The following FBXL17 variants were observed in gnomAD, a reference collection of about 807,000 sequenced individuals.
FBXL17 encodes the protein F-box and leucine rich repeat protein 17, also known as F-box/LRR-repeat protein 17.
In FBXL17, 22 loss-of-function variants were observed where a neutral mutation model predicts 66.2. That is an observed-to-expected ratio of 0.33 (90% CI 0.24 to 0.47). The LOEUF is 0.47. Among genes scored for constraint, FBXL17 ranks in the 20% least tolerant of loss-of-function variants. The pLI is 1.00. For synonymous variants in FBXL17, 474 were observed against 400.5 expected (o/e 1.18, Z -2.19); for missense variants, 878 against 948.2 (o/e 0.93, Z 0.97).
At chr5:107,985,152 C>G (rs1252032205) in intron 7 of FBXL17, among the ~76,000 whole-genome samples, 3 of 152,162 alleles carry the variant, frequency 2.0e-5, no homozygotes, top group African/African-American at 7.2e-5. Flanking sequence ...ATCCACTGTT[C>G]TTAACATTTG....
intron 6 of FBXL17, among the ~76,000 whole-genome samples, chr5:108,047,603 C>G (rs975362446): frequency 6.6e-6 from 1 of 152,178 alleles, no homozygotes; most frequent in African/African-American, 2.4e-5. Context: ...TTTTCCCTTG[C>G]TGGAGCCAGG....
At chr5:108,203,233 C>G (rs1327108149) in intron 5 of FBXL17, among the ~76,000 whole-genome samples, 1 of 151,638 alleles carries the variant, frequency 6.6e-6, no homozygotes, top group Non-Finnish European at 1.5e-5. Flanking sequence ...GCCAAGAACT[C>G]TTCCTCATGC....
At chr5:108,106,354 G>T (rs1415365156) in intron 6 of FBXL17, among the ~76,000 whole-genome samples, 1 of 152,204 alleles carries the variant, frequency 6.6e-6, no homozygotes, top group African/African-American at 2.4e-5. Context: ...GGAAGTCTGG[G>T]AGTTCCTCAG....
chr5:108,008,633 T>G (rs527676210), intron 7 of FBXL17, among the ~76,000 whole-genome samples: 1 of 152,320 alleles, frequency 6.6e-6, no homozygotes, highest in Non-Finnish European at 1.5e-5. Context: ...TTGGTTACTA[T>G]AAGATAGAAA....
In FBXL17 at chr5:108,310,461, G is replaced by A. The variant is rs78040560; in HGVS notation, c.1506+37938C>T. Among the ~76,000 whole-genome samples the A allele has an allele frequency of 2.4e-4, 36 of 152,090 alleles. No homozygotes were observed. The East Asian group carries it at 6.0e-3, about 25-fold the overall frequency. On this transcript the variant is annotated intron_variant, in intron 4 of 8. Coordinates refer to ENST00000542267, the MANE Select transcript of FBXL17 (RefSeq NM_001163315.3). ...CACACTATTTCTACTTAATGATCCC[G>A]TCAAGTTATCTGTATCTCAAAAAGT...
intron 7 of FBXL17, among the ~76,000 whole-genome samples, chr5:107,959,938 G>T (rs1751826400): frequency 6.6e-6 from 1 of 152,152 alleles, no homozygotes; most frequent in South Asian, 2.1e-4. Context: ...TGTTTCAGTA[G>T]ATCTGTTCTC....
chr5:107,973,808 C>T (rs1181701172), intron 7 of FBXL17, among the ~76,000 whole-genome samples: 1 of 151,136 alleles, frequency 6.6e-6, no homozygotes, highest in Non-Finnish European at 1.5e-5. Flanking sequence ...TCAACAGGCC[C>T]CTATTGGCTT....
intron 7 of FBXL17, among the ~76,000 whole-genome samples, chr5:107,999,452 A>AAC (rs55900474): frequency 0.31 from 44,866 of 144,222 alleles, 6,941 homozygotes; most frequent in Middle Eastern, 0.39. Context: ...TTTTGTCAGA[A>AAC]ACACACACAC....
Position 108,273,197 on chromosome 5 carries a change from T to C in FBXL17, c.1507-48969A>G, listed in dbSNP as rs1432883520. ...GAGGCAGGGCGAGATCACAGGACCA[T>C]AGGACCGAGGCGGGATAGCATTAGG... On this transcript the variant is annotated intron_variant, in intron 4 of 8. Coordinates refer to ENST00000542267, the MANE Select transcript of FBXL17 (RefSeq NM_001163315.3). Among the ~76,000 whole-genome samples the C allele has an allele frequency of 2.6e-5, 4 of 151,994 alleles. 1 individual carries two copies. In the East Asian group the frequency reaches 7.7e-4, roughly 29 times the overall value.
intron 4 of FBXL17, among the ~76,000 whole-genome samples, chr5:108,289,853 A>G (rs1758042273): frequency 6.6e-6 from 1 of 152,164 alleles, no homozygotes; most frequent in Admixed American, 6.6e-5. Flanking sequence ...TGTGCTCAAT[A>G]TTTGGTAACT....
At chr5:108,300,432 C>A (rs1758535941) in intron 4 of FBXL17, among the ~76,000 whole-genome samples, 2 of 151,744 alleles carry the variant, frequency 1.3e-5, no homozygotes, top group Admixed American at 1.3e-4. Flanking sequence ...TGAACAAATG[C>A]TTCCAGAAAT....
chr5:108,290,482 T>G (rs1758066944), intron 4 of FBXL17, among the ~76,000 whole-genome samples: 1 of 152,194 alleles, frequency 6.6e-6, no homozygotes, highest in Non-Finnish European at 1.5e-5. Context: ...TCAAAATTAT[T>G]TGGCTCTTCT....
rs950157632 is a variant in FBXL17, at chr5:108,381,123, G to A, written c.569C>T (p.Pro190Leu). The change falls in exon 1 of 9, where the codon CCT (proline) becomes CTT (leucine). Residue 190 changes from proline (P) to leucine (L), a missense_variant. Physicochemically the swap from Pro to Leu is moderately conservative, Grantham distance 98 (BLOSUM62 -3). Coordinates refer to ENST00000542267, the MANE Select transcript of FBXL17 (RefSeq NM_001163315.3). ...CTTGCACACCATTTCGGGGGGCGTA[G>A]GGAGCTCGGCCGGTGACGGTGTCGG... ...RGPTPSPAEL[P>L]TPPEMVCKRK... 27 of 1,358,926 alleles carry A rather than the reference G, an allele frequency of 2.0e-5. No homozygotes were observed. In the African/African-American group the frequency reaches 3.6e-4, roughly 18 times the overall value. The allele number at this position is 1,358,926 out of a possible 1,614,324, so 84.2% of individuals were successfully genotyped here. A position where few individuals can be genotyped will look rare whatever the true frequency, so the allele number is the denominator to read the frequency against.
Position 107,881,095 on chromosome 5 carries a change from GT to G in FBXL17, c.1906del (p.Thr636ProfsTer2). The part of the protein sequence containing the change: ...WCKEITDQGA[T>X]LIAQSSKSLR... ...AGACTTGCTGCTCTGTGCAATCAGG[GT>G]GGCTCCTTGGTCTGTGATTTCTTTA... On this transcript the variant is annotated frameshift_variant, in exon 8 of 9. Coordinates refer to ENST00000542267, the MANE Select transcript of FBXL17 (RefSeq NM_001163315.3). LOFTEE classifies it high-confidence loss of function. 6.2e-7 allele frequency: 1 copy of G among 1,614,016 alleles called. No homozygotes were observed. Among genetic ancestry groups the G allele is most frequent in the Non-Finnish European group, 8.5e-7 (1 of 1,179,948 alleles).
intron 8 of FBXL17, among the ~76,000 whole-genome samples, chr5:107,867,696 G>A (rs1291651836): frequency 6.6e-6 from 1 of 152,214 alleles, no homozygotes; most frequent in Non-Finnish European, 1.5e-5. Flanking sequence ...GATTTCTTGG[G>A]CTTTGGGAGT....
intron 4 of FBXL17, among the ~76,000 whole-genome samples, chr5:108,236,512 A>G (rs1009592458): frequency 3.5e-5 from 5 of 144,508 alleles, no homozygotes; most frequent in African/African-American, 1.3e-4. Flanking sequence ...GACTCTGTCT[A>G]AAAAAAAAAA....
chr5:108,059,527 C>G (rs1160027503), intron 6 of FBXL17, among the ~76,000 whole-genome samples: 2 of 152,312 alleles, frequency 1.3e-5, no homozygotes, highest in East Asian at 3.9e-4. Context: ...CTGGAATTCT[C>G]TGGAGGTCTA....
chr5:107,924,550 A>G (rs1387594762), intron 7 of FBXL17, among the ~76,000 whole-genome samples: 4 of 152,202 alleles, frequency 2.6e-5, no homozygotes, highest in Non-Finnish European at 4.4e-5. Context: ...ATCCTCTATA[A>G]AACTTTAAAG....
chr5:108,345,818 A>C (rs1747242057), intron 4 of FBXL17, among the ~76,000 whole-genome samples: 1 of 152,086 alleles, frequency 6.6e-6, no homozygotes. Flanking sequence ...AATACTACCA[A>C]AATAGCTTGA....
Sources: gnomAD v4.1 joint callset for allele counts (sites outside exome capture counted in the v4.1 genomes callset) on GRCh38, gnomAD v4.1.1 for gene constraint, MANE v1.5 for transcripts, NCBI Gene and HGNC (gene_info 2026-07-23, HGNC 2026-07-21) for gene names.